CDH13: variants seen among roughly 807,000 people sequenced by gnomAD.
CDH13 encodes the protein cadherin-13.
CDH13 carries 24 observed loss-of-function variants against 63.8 expected under a neutral mutation model. That is an observed-to-expected ratio of 0.38 (90% CI 0.27 to 0.53). The LOEUF is 0.53. Ranked by LOEUF, CDH13 falls within the 20% of genes least tolerant of loss-of-function variation. The probability of loss-of-function intolerance (pLI) is 0.85; values close to 1 mark genes in which losing one functional copy is unlikely to be tolerated. For missense variants in CDH13, 1,049 were observed against 903.1 expected (o/e 1.16, Z -2.07); for synonymous variants, 503 against 355.3 (o/e 1.42, Z -4.67).
intron 7 of CDH13, among the ~76,000 whole-genome samples, chr16:83,506,514 C>T (rs925702645): frequency 3.3e-5 from 5 of 152,176 alleles, no homozygotes; most frequent in African/African-American, 4.8e-5. Flanking sequence ...GTTCCAATGG[C>T]ATCAGCATTT....
intron 2 of CDH13, among the ~76,000 whole-genome samples, chr16:82,995,625 A>G (rs760445596): frequency 2.6e-5 from 4 of 152,156 alleles, no homozygotes; most frequent in Non-Finnish European, 4.4e-5. Flanking sequence ...AAACTACTGA[A>G]TCTGATATCA....
rs189125969 is a variant in CDH13, at chr16:83,320,723, T to A, written c.637-24139T>A. Among the ~76,000 whole-genome samples, 113 of 152,300 alleles carry A rather than the reference T, an allele frequency of 7.4e-4. 1 individual carries two copies. The highest frequency in any genetic ancestry group is 1.3e-3 in the Non-Finnish European group (89 of 68,024). On this transcript the variant is annotated intron_variant, in intron 5 of 13. Coordinates refer to ENST00000567109, the MANE Select transcript of CDH13 (RefSeq NM_001257.5). Reference sequence around the variant, plus strand: ...GCTTGTGAAATTCTCTTGTCATTAGTTCCGGTTGCTTATTAGAGTGTGTAG... The same window carrying A: ...GCTTGTGAAATTCTCTTGTCATTAGATCCGGTTGCTTATTAGAGTGTGTAG...
At chr16:83,666,853 A>C (rs570368568) in intron 8 of CDH13, among the ~76,000 whole-genome samples, 2 of 151,210 alleles carry the variant, frequency 1.3e-5, no homozygotes, top group African/African-American at 4.9e-5. Flanking sequence ...ACACACACAG[A>C]CTCCCCAAGA....
intron 3 of CDH13, among the ~76,000 whole-genome samples, chr16:83,037,341 C>T (rs1030180103): frequency 1.1e-4 from 17 of 152,264 alleles, no homozygotes; most frequent in East Asian, 9.7e-4. Context: ...GAAATTCTGG[C>T]CTCTGCCTAA....
At chr16:83,401,296 G>A (rs1247771813) in intron 6 of CDH13, among the ~76,000 whole-genome samples, 4 of 150,556 alleles carry the variant, frequency 2.7e-5, no homozygotes, top group Admixed American at 1.3e-4. Context: ...CCGAGATCAC[G>A]CCATTGCACT....
chr16:83,378,680 G>A (rs2091501175), intron 6 of CDH13, among the ~76,000 whole-genome samples: 1 of 152,098 alleles, frequency 6.6e-6, no homozygotes. Flanking sequence ...CAAGATACTT[G>A]ACTGCTCTGA....
At chr16:82,712,931 C>T (rs1403839616) in intron 1 of CDH13, among the ~76,000 whole-genome samples, 4 of 152,240 alleles carry the variant, frequency 2.6e-5, no homozygotes, top group South Asian at 2.1e-4. Flanking sequence ...TATCTCCTCT[C>T]CTAGAACGTG....
rs548931495 is a variant in CDH13 at position 82,731,132 on chromosome 16, C to T, written c.45+103995C>T. On this transcript the variant is annotated intron_variant, in intron 1 of 13. Transcript: ENST00000567109. Reference sequence around the variant, plus strand: ...GGAGTATTTATATGACAGGAACTGGCAAACACCTCAGGGCTAGATGTCTTG... The same window carrying T: ...GGAGTATTTATATGACAGGAACTGGTAAACACCTCAGGGCTAGATGTCTTG... Among the ~76,000 whole-genome samples the T allele has an allele frequency of 3.3e-5, 5 of 152,274 alleles. No individual in the cohort carries two copies. In the South Asian group the frequency reaches 8.3e-4, roughly 25 times the overall value.
intron 2 of CDH13, among the ~76,000 whole-genome samples, chr16:82,902,326 A>C (rs942694851): frequency 6.6e-6 from 1 of 152,132 alleles, no homozygotes; most frequent in Non-Finnish European, 1.5e-5. Context: ...TTTGCCTTAT[A>C]AAATAAACAG....
chr16:82,733,770 AT>A lies in CDH13; in HGVS notation c.45+106634del, dbSNP rs2033524676. Among the ~76,000 whole-genome samples, 3 of 152,246 alleles carry A rather than the reference AT, an allele frequency of 2.0e-5. No individual in the cohort carries two copies. The South Asian group carries it at 6.2e-4, about 31-fold the overall frequency. ...AATGGCAAAAGGAACTGCTTAAGAT[AT>A]GAAGAGAAAAGAAACACACTACTTA... On this transcript the variant is annotated intron_variant, in intron 1 of 13. Transcript: ENST00000567109.
At chr16:83,372,476 G>A (rs753633007) in intron 6 of CDH13, among the ~76,000 whole-genome samples, 17 of 152,020 alleles carry the variant, frequency 1.1e-4, no homozygotes, top group South Asian at 2.1e-4. Flanking sequence ...AGAAAGGGTC[G>A]GGTGCGGTGG....
intron 2 of CDH13, among the ~76,000 whole-genome samples, chr16:82,948,716 C>G (rs764213838): frequency 1.3e-5 from 2 of 152,130 alleles, no homozygotes; most frequent in Non-Finnish European, 2.9e-5. Flanking sequence ...TAAATTTTCT[C>G]TCAGTTGCCT....
intron 2 of CDH13, among the ~76,000 whole-genome samples, chr16:83,000,240 T>C (rs1320149006): frequency 2.7e-5 from 3 of 111,840 alleles, no homozygotes; most frequent in African/African-American, 6.6e-5. Flanking sequence ...TTTTTTTTTT[T>C]TTTTTTTTTT....
At chr16:83,316,178 G>T (rs1461560057) in intron 5 of CDH13, among the ~76,000 whole-genome samples, 1 of 152,068 alleles carries the variant, frequency 6.6e-6, no homozygotes, top group African/African-American at 2.4e-5. Flanking sequence ...GAAGAGCATG[G>T]GGGAACCACC....
intron 2 of CDH13, among the ~76,000 whole-genome samples, chr16:83,003,724 T>C (rs1913184044): frequency 6.6e-6 from 1 of 152,214 alleles, no homozygotes; most frequent in Admixed American, 6.5e-5. Context: ...ACAGAGAAGA[T>C]TACTACGACC....
intron 5 of CDH13, among the ~76,000 whole-genome samples, chr16:83,256,062 C>G (rs1163169520): frequency 1.3e-5 from 2 of 152,142 alleles, no homozygotes; most frequent in Non-Finnish European, 2.9e-5. Flanking sequence ...GAGACAGGGT[C>G]TCATTTTGTC....
intron 3 of CDH13, among the ~76,000 whole-genome samples, chr16:83,043,253 G>A (rs1480540594): frequency 6.6e-6 from 1 of 152,008 alleles, no homozygotes; most frequent in Non-Finnish European, 1.5e-5. Context: ...ACTATATTCT[G>A]GAGATTAATT....
intron 1 of CDH13, among the ~76,000 whole-genome samples, chr16:82,725,166 G>A (rs1455539497): frequency 1.3e-5 from 2 of 152,078 alleles, no homozygotes; most frequent in Admixed American, 6.6e-5. Context: ...TTGTGCTAAT[G>A]GCGATGATGA....
At chr16:82,874,245 T>G (rs964642433) in intron 2 of CDH13, among the ~76,000 whole-genome samples, 1 of 152,192 alleles carries the variant, frequency 6.6e-6, no homozygotes, top group African/African-American at 2.4e-5. Context: ...TTTGGTATGC[T>G]GAGTCTCTTG....
Sources: gnomAD v4.1 joint callset for allele counts (sites outside exome capture counted in the v4.1 genomes callset) on GRCh38, gnomAD v4.1.1 for gene constraint, MANE v1.5 for transcripts, NCBI Gene and HGNC (gene_info 2026-07-23, HGNC 2026-07-21) for gene names.